Variants in ARHGEF28 observed in about 807,000 individuals in gnomAD.
ARHGEF28 encodes Rho guanine nucleotide exchange factor 28.
In ARHGEF28, 152 loss-of-function variants were observed where a neutral mutation model predicts 206.6. That is an observed-to-expected ratio of 0.74 (90% CI 0.64 to 0.84). ARHGEF28 has a LOEUF of 0.84. Ranked by LOEUF, ARHGEF28 falls within the 40% of genes least tolerant of loss-of-function variation. The pLI is 0.00. For synonymous variants in ARHGEF28, 763 were observed against 776.4 expected (o/e 0.98, Z 0.29); for missense variants, 2,028 against 2,073.2 (o/e 0.98, Z 0.42).
intron 2 of ARHGEF28, among the ~76,000 whole-genome samples, chr5:73,714,199 A>G (rs1749431109): frequency 6.6e-6 from 1 of 152,180 alleles, no homozygotes; most frequent in African/African-American, 2.4e-5. Context: ...CATCTTTGGG[A>G]CCAGATAAGG....
At chr5:73,801,379 A>G (rs893909183) in intron 9 of ARHGEF28, among the ~76,000 whole-genome samples, 4 of 152,214 alleles carry the variant, frequency 2.6e-5, no homozygotes, top group South Asian at 2.1e-4. Flanking sequence ...CCCGGGAGGC[A>G]GAGCTTGCAG....
chr5:73,785,971 T>A (rs1754129150), intron 7 of ARHGEF28, among the ~76,000 whole-genome samples: 1 of 151,422 alleles, frequency 6.6e-6, no homozygotes, highest in Non-Finnish European at 1.5e-5. Flanking sequence ...ACACGTGTCC[T>A]TAGGCCCATT....
chr5:73,823,092 T>C (rs1311474463), intron 9 of ARHGEF28, among the ~76,000 whole-genome samples: 1 of 152,240 alleles, frequency 6.6e-6, no homozygotes, highest in Non-Finnish European at 1.5e-5. Flanking sequence ...CTTTGCTCTC[T>C]GTCAGGACCG....
chr5:73,839,417 TC>T (rs1266500473), intron 10 of ARHGEF28, among the ~76,000 whole-genome samples: 3 of 152,186 alleles, frequency 2.0e-5, no homozygotes, highest in Admixed American at 6.5e-5. Flanking sequence ...TGCTTCTTTT[TC>T]CCCTTCACTG....
intron 2 of ARHGEF28, among the ~76,000 whole-genome samples, chr5:73,714,593 A>G (rs1749458904): frequency 6.6e-6 from 1 of 152,192 alleles, no homozygotes; most frequent in South Asian, 2.1e-4. Flanking sequence ...TATCTACATC[A>G]ACACAATTTT....
chr5:73,877,722 T>C (rs1225837923), intron 22 of ARHGEF28, among the ~76,000 whole-genome samples: 8 of 151,238 alleles, frequency 5.3e-5, no homozygotes, highest in Non-Finnish European at 7.4e-5. Context: ...TTCCATGTAG[T>C]TGAGTGGTTT....
chr5:73,647,809 C>T (rs1302135147), intron 1 of ARHGEF28, among the ~76,000 whole-genome samples: 1 of 152,236 alleles, frequency 6.6e-6, no homozygotes, highest in African/African-American at 2.4e-5. Context: ...CTTAATTACT[C>T]TCTACTCCTA....
intron 7 of ARHGEF28, among the ~76,000 whole-genome samples, chr5:73,783,382 GTGTA>G (rs3138742): frequency 0.3 from 42,232 of 141,654 alleles, 6,792 homozygotes; most frequent in Non-Finnish European, 0.39. Context: ...GTGTGTGTGT[GTGTA>G]TGTGTGTGTG....
chr5:73,898,369 C>T (rs1008392126), intron 30 of ARHGEF28: 2 of 223,860 alleles, frequency 8.9e-6, no homozygotes, highest in Non-Finnish European at 1.8e-5. Context: ...CCAACCCCTA[C>T]CCTGCCTCAT....
chr5:73,780,740 A>G lies in ARHGEF28; in HGVS notation c.905A>G (p.Glu302Gly). The G allele has an allele frequency of 6.4e-7, 1 of 1,556,908 alleles. No individual in the cohort carries two copies. The highest frequency in any genetic ancestry group is 8.7e-7 in the Non-Finnish European group (1 of 1,149,988). Residue 302 changes from glutamate (E) to glycine (G), a missense_variant, in exon 7 of 36, where the codon GAA (glutamate) becomes GGA (glycine). Glu to Gly is a moderately conservative substitution (Grantham distance 98). This residue lies in a region of ARHGEF28 where 1,002 missense variants were observed against 1,015.3 expected (regional missense o/e 0.99). Coordinates refer to ENST00000513042, the MANE Select transcript of ARHGEF28 (RefSeq NM_001177693.2). ...ATGCCCTCCAGCGGTGCAGAAACTGAAGAAGGTACGCATGCTCCTTTCCCA... is the reference window on the plus strand; with the variant it reads ...ATGCCCTCCAGCGGTGCAGAAACTGGAGAAGGTACGCATGCTCCTTTCCCA... Reference protein sequence around the residue: ...TAMPSSGAETEEEIKNSVSSR... With the variant: ...TAMPSSGAETGEEIKNSVSSR...
At chr5:73,933,076 C>T (rs1764224238) in intron 35 of ARHGEF28, among the ~76,000 whole-genome samples, 1 of 152,114 alleles carries the variant, frequency 6.6e-6, no homozygotes, top group Non-Finnish European at 1.5e-5. Context: ...TCCCAAAGTG[C>T]TGGGATTACA....
intron 35 of ARHGEF28, among the ~76,000 whole-genome samples, chr5:73,924,813 C>T (rs1763710131): frequency 1.3e-5 from 2 of 152,162 alleles, no homozygotes; most frequent in African/African-American, 4.8e-5. Flanking sequence ...GCAGAATTGG[C>T]CCTTCCCAAA....
chr5:73,658,962 TACACACACACACAC>T lies in ARHGEF28; in HGVS notation c.-11-25848_-11-25835del, dbSNP rs55877309. On this transcript the variant is annotated intron_variant, in intron 1 of 35. Coordinates refer to ENST00000513042, the MANE Select transcript of ARHGEF28 (RefSeq NM_001177693.2). ...TAGACAGGTCTGTGATGCATGCAGG[TACACACACACACAC>T]ACACACACACACACACACACACACA... 1.7e-4 allele frequency among the ~76,000 whole-genome samples: 21 copies of T among 124,846 alleles called. No individual in the cohort carries two copies. The East Asian group carries it at 3.0e-3, about 18-fold the overall frequency. The allele number at this position is 124,846 out of a possible 152,430, so 81.9% of individuals were successfully genotyped here.
intron 1 of ARHGEF28, among the ~76,000 whole-genome samples, chr5:73,671,821 TCTC>T (rs59562807): frequency 0.23 from 18,752 of 81,746 alleles, 4,796 homozygotes; most frequent in Admixed American, 0.41. Context: ...AGTGGCGCGA[TCTC>T]AGCTCACTGC....
chr5:73,698,048 A>G (rs1748331046), intron 2 of ARHGEF28, among the ~76,000 whole-genome samples: 1 of 152,212 alleles, frequency 6.6e-6, no homozygotes, highest in Non-Finnish European at 1.5e-5. Context: ...TACAATTATA[A>G]AAATAAAATT....
Position 73,764,361 on chromosome 5 carries a change from A to T in ARHGEF28, c.476-9494A>T, listed in dbSNP as rs566699967. ...ATATCCTCAGAATGTGAAGGTCAAAAATTGAGTTGCCATCTTGAAATTCTG... is the reference window on the plus strand; with the variant it reads ...ATATCCTCAGAATGTGAAGGTCAAATATTGAGTTGCCATCTTGAAATTCTG... On this transcript the variant is annotated intron_variant, in intron 4 of 35. Coordinates refer to ENST00000513042, the MANE Select transcript of ARHGEF28 (RefSeq NM_001177693.2). Among the ~76,000 whole-genome samples, 4 of 152,346 alleles carry T rather than the reference A, an allele frequency of 2.6e-5. No individual in the cohort carries two copies. The South Asian group carries it at 8.3e-4, about 32-fold the overall frequency.
intron 1 of ARHGEF28, among the ~76,000 whole-genome samples, chr5:73,666,037 C>T (rs1174082676): frequency 6.6e-6 from 1 of 152,126 alleles, no homozygotes; most frequent in Non-Finnish European, 1.5e-5. Flanking sequence ...CAAGTTCCTT[C>T]CAGTTGTGAG....
At chr5:73,691,193 G>T (rs1312085003) in intron 2 of ARHGEF28, among the ~76,000 whole-genome samples, 1 of 152,092 alleles carries the variant, frequency 6.6e-6, no homozygotes, top group Non-Finnish European at 1.5e-5. Context: ...GACTCCTAAA[G>T]TGATGAGATT....
chr5:73,659,000 CA>C (rs1745415819), intron 1 of ARHGEF28, among the ~76,000 whole-genome samples: 1 of 150,882 alleles, frequency 6.6e-6, no homozygotes, highest in African/African-American at 2.5e-5. Flanking sequence ...CACACACACA[CA>C]CACACCACAC....
Sources: allele counts gnomAD v4.1 joint callset (sites outside exome capture counted in the v4.1 genomes callset), GRCh38; gene constraint gnomAD v4.1.1; regional missense constraint gnomAD v4.1.1; transcripts MANE v1.5; gene names NCBI Gene and HGNC (gene_info 2026-07-23, HGNC 2026-07-21).